The following DNAH12 variants were observed in gnomAD, a reference collection of about 807,000 sequenced individuals.
The protein encoded by DNAH12 is axonemal beta dynein heavy chain 12.
In DNAH12, 285 loss-of-function variants were observed where a neutral mutation model predicts 371.5. That is an observed-to-expected ratio of 0.77 (90% CI 0.70 to 0.85). The LOEUF is 0.85. DNAH12 is among the 40% of genes least tolerant of loss of function. The pLI is 0.00. For missense variants in DNAH12, 3,611 were observed against 3,689.4 expected (o/e 0.98, Z 0.55); for synonymous variants, 1,200 against 1,213.0 (o/e 0.99, Z 0.22).
intron 29 of DNAH12, among the ~76,000 whole-genome samples, chr3:57,438,294 A>G (rs2065192740): frequency 6.6e-6 from 1 of 151,854 alleles, no homozygotes; most frequent in African/African-American, 2.4e-5. Flanking sequence ...CTGGGCAACA[A>G]GAGCGAAACT....
intron 35 of DNAH12, among the ~76,000 whole-genome samples, chr3:57,422,215 A>G (rs1282940127): frequency 2.7e-5 from 4 of 148,438 alleles, no homozygotes; most frequent in Non-Finnish European, 5.9e-5. Context: ...GCCTGGCCCA[A>G]TATCTATCAA....
At position 57,433,479 on chromosome 3, in the gene DNAH12, A is replaced by G. The variant is rs145190428; in HGVS notation, c.4868T>C (p.Phe1623Ser). The change falls in exon 32 of 74, where the codon TTT (phenylalanine) becomes TCT (serine). Residue 1623 changes from phenylalanine (F) to serine (S), a missense_variant. Transcript: ENST00000495027. ...TGTTTCTGATAAGGCAAATTCTCTA[A>G]AAGTGTTAGCCACAATACCATCAGT... ...EWTDGIVANT[F>S]REFALSETPD... 4 of 1,551,580 alleles carry G rather than the reference A, an allele frequency of 2.6e-6. No individual in the cohort carries two copies. Among genetic ancestry groups the G allele is most frequent in the East Asian group, 2.4e-5 (1 of 40,900 alleles).
chr3:57,551,568 C>G, the DNAH12 span, among the ~76,000 whole-genome samples: 9 of 152,176 alleles, frequency 5.9e-5, no homozygotes, highest in Non-Finnish European at 8.8e-5. Flanking sequence ...CCGCGCCCGG[C>G]CACAAAATTA....
intron 52 of DNAH12, among the ~76,000 whole-genome samples, chr3:57,377,591 T>C (rs1390476506): frequency 6.6e-6 from 1 of 151,996 alleles, no homozygotes; most frequent in Non-Finnish European, 1.5e-5. Flanking sequence ...CACATGAATA[T>C]GTTTTGGGTG....
intron 60 of DNAH12, among the ~76,000 whole-genome samples, chr3:57,346,267 A>T (rs2062539763): frequency 6.6e-6 from 1 of 152,146 alleles, no homozygotes; most frequent in Non-Finnish European, 1.5e-5. Flanking sequence ...GCTATGGATA[A>T]GTGAAATGAA....
At chr3:57,359,411 T>G (rs937114343) in intron 58 of DNAH12, among the ~76,000 whole-genome samples, 1 of 151,478 alleles carries the variant, frequency 6.6e-6, no homozygotes, top group East Asian at 2.0e-4. Flanking sequence ...AATACAAAAT[T>G]AGCCGGACGT....
intron 62 of DNAH12, among the ~76,000 whole-genome samples, chr3:57,325,063 C>T (rs1021816986): frequency 6.6e-6 from 1 of 152,250 alleles, no homozygotes; most frequent in Admixed American, 6.5e-5. Context: ...AACAAAGCAG[C>T]TGGAAAGCTC....
At chr3:57,528,416 A>T (rs977488779) in intron 2 of DNAH12, among the ~76,000 whole-genome samples, 1 of 151,798 alleles carries the variant, frequency 6.6e-6, no homozygotes, top group Non-Finnish European at 1.5e-5. Context: ...GGGGTAGTAC[A>T]GACACTTTAA....
rs1183224048 is a variant in DNAH12 at position 57,334,948 on chromosome 3, C to T, written c.9675-8G>A. Reference sequence around the variant, plus strand: ...TCAATCTCTTTCCTTGCCCTGTATTCCCAAAATAAGGACTGTTATATAATT... The same window carrying T: ...TCAATCTCTTTCCTTGCCCTGTATTTCCAAAATAAGGACTGTTATATAATT... On this transcript the variant is annotated splice_polypyrimidine_tract_variant and splice_region_variant and intron_variant, in intron 60 of 73. Transcript: ENST00000495027. The T allele has an allele frequency of 3.3e-6, 5 of 1,537,896 alleles. No homozygotes were observed. In the South Asian group the frequency reaches 6.2e-5, roughly 19 times the overall value.
intron 29 of DNAH12, among the ~76,000 whole-genome samples, chr3:57,438,645 T>C (rs1302236515): frequency 2.0e-5 from 3 of 151,896 alleles, no homozygotes; most frequent in Admixed American, 6.6e-5. Flanking sequence ...ACATTCAAGC[T>C]GAAAGTTATA....
chr3:57,368,345 C>T (rs2063094888), intron 55 of DNAH12, 85 bp from the exon 56 acceptor site: 1 of 151,956 alleles, frequency 6.6e-6, no homozygotes, highest in Non-Finnish European at 1.5e-5. Flanking sequence ...ACATCACCAT[C>T]AATCTGTACA....
intron 28 of DNAH12, 68 bp from the exon 29 acceptor site, chr3:57,444,884 C>T (rs2065429519): frequency 3.3e-6 from 5 of 1,495,888 alleles, no homozygotes; most frequent in Non-Finnish European, 4.5e-6. Context: ...TCTCCCTCCC[C>T]TCCCAGCCCC....
Position 57,509,254 on chromosome 3 carries a change from C to T in DNAH12, c.470-42G>A, listed in dbSNP as rs1361027461. 4 of 1,553,246 alleles carry T rather than the reference C, an allele frequency of 2.6e-6. No individual in the cohort carries two copies. In the African/African-American group the frequency reaches 5.5e-5, roughly 21 times the overall value. ...TATTAATGCTTCTTGAAAATCTCTG[C>T]ACAATCTATTAATATCAAAGTTTCT... On this transcript the variant is annotated intron_variant, in intron 5 of 73. Coordinates refer to ENST00000495027, the MANE Select transcript of DNAH12 (RefSeq NM_001366028.2).
intron 43 of DNAH12, among the ~76,000 whole-genome samples, chr3:57,400,682 T>C (rs986902114): frequency 3.3e-5 from 5 of 152,254 alleles, no homozygotes; most frequent in African/African-American, 4.8e-5. Context: ...TATTGTACTG[T>C]GCTTATCTCT....
intron 66 of DNAH12, among the ~76,000 whole-genome samples, chr3:57,311,633 G>T (rs1400351369): frequency 6.6e-6 from 1 of 152,156 alleles, no homozygotes; most frequent in Non-Finnish European, 1.5e-5. Context: ...GGTGTTACTG[G>T]CATCTATTGG....
chr3:57,409,123 G>A (rs1301507909), intron 39 of DNAH12, among the ~76,000 whole-genome samples: 1 of 152,040 alleles, frequency 6.6e-6, no homozygotes, highest in Non-Finnish European at 1.5e-5. Context: ...GGACCCATTA[G>A]GGAAAAATGA....
At chr3:57,299,796 G>A (rs202179818) in intron 70 of DNAH12, among the ~76,000 whole-genome samples, 4 of 73,446 alleles carry the variant, frequency 5.4e-5, no homozygotes, top group Admixed American at 4.8e-4. Flanking sequence ...AGCCTCCAGA[G>A]CTTGAGAAAT....
chr3:57,508,200 C>CAAAAAAAAAAAA (rs11288020), intron 7 of DNAH12, among the ~76,000 whole-genome samples, 182 bp downstream of exon 7: 1 of 129,170 alleles, frequency 7.7e-6, no homozygotes, highest in Non-Finnish European at 1.6e-5. Flanking sequence ...AAAAAAAAAA[C>CAAAAAAAAAAAA]AAAAAAAAAA....
intron 69 of DNAH12, among the ~76,000 whole-genome samples, chr3:57,307,188 A>G (rs1030670979): frequency 3.3e-5 from 5 of 151,566 alleles, no homozygotes; most frequent in African/African-American, 4.9e-5. Context: ...CAGCACCTAC[A>G]AAACAACAAC....
Sources: allele counts gnomAD v4.1 joint callset (sites outside exome capture counted in the v4.1 genomes callset), GRCh38; gene constraint gnomAD v4.1.1; transcripts MANE v1.5; gene names NCBI Gene and HGNC (gene_info 2026-07-23, HGNC 2026-07-21).